The following SKI variants were observed in gnomAD, a reference collection of about 807,000 sequenced individuals.
The protein encoded by SKI is SKI proto-oncogene.
A neutral mutation model predicts 59.3 loss-of-function variants in SKI; 23 were observed. The ratio of observed to expected loss-of-function variants is 0.39; its 90% CI spans 0.28 to 0.55. The LOEUF is 0.55. Among genes scored for constraint, SKI ranks in the 20% least tolerant of loss-of-function variants. The probability of loss-of-function intolerance (pLI) is 0.67; values close to 1 mark genes in which losing one functional copy is unlikely to be tolerated. For missense variants in SKI, 1,017 were observed against 1,038.9 expected, an observed-to-expected ratio of 0.98 and a Z score of 0.29; for synonymous variants, 673 against 488.6, an observed-to-expected ratio of 1.38 and a Z score of -4.98.
chr1:2,250,537 G>A lies in SKI; in HGVS notation c.969+20802G>A, dbSNP rs114543623. Among the ~76,000 whole-genome samples, 754 of 152,358 alleles carry A rather than the reference G, an allele frequency of 4.9e-3. 5 individuals carry two copies. Among genetic ancestry groups the A allele is most frequent in the South Asian group, 0.013 (62 of 4,828 alleles). On this transcript the variant is annotated intron_variant, in intron 1 of 6. Transcript: ENST00000378536. Reference sequence around the variant, plus strand: ...AACGTGGTGAGTCCCCATTCCCTGAGCTCAGCTGCTGCTGGCACTGGCCTC... The same window carrying A: ...AACGTGGTGAGTCCCCATTCCCTGAACTCAGCTGCTGCTGGCACTGGCCTC...
chr1:2,294,556 G>A (rs767386706), intron 1 of SKI, among the ~76,000 whole-genome samples: 8 of 152,226 alleles, frequency 5.3e-5, no homozygotes, highest in East Asian at 1.9e-4. Context: ...TCGGGGAACC[G>A]GTAAGCCCAG....
intron 1 of SKI, among the ~76,000 whole-genome samples, chr1:2,237,678 G>C (rs1159455565): frequency 6.6e-6 from 1 of 152,232 alleles, no homozygotes; most frequent in Non-Finnish European, 1.5e-5. Context: ...TTTTACTATG[G>C]AGCAGATGTA....
Position 2,303,455 on chromosome 1 carries a change from C to A in SKI, c.1211+55C>A. ...GATCACGGGGGAGGCTCCACGAGGG[C>A]TGTGCATGCGGACGCGCCCATGTTT... is the stretch of plus-strand genomic sequence containing the variant. On this transcript the variant is annotated intron_variant, in intron 3 of 6. Transcript: ENST00000378536. This position sits in a 1 kb window ranked among gnomAD's most constrained non-coding sequence, Gnocchi z 5.6. 2 of 1,487,290 alleles carry A rather than the reference C, an allele frequency of 1.3e-6. No individual in the cohort carries two copies. Among genetic ancestry groups the A allele is most frequent in the Non-Finnish European group, 1.9e-6 (2 of 1,071,782 alleles). 92.1% of individuals were successfully genotyped at this position (1,487,290 alleles called of 1,614,324 possible).
rs1449089672 is a variant in SKI at position 2,306,071 on chromosome 1, G to A, written c.1819G>A (p.Glu607Lys). The change falls in exon 6 of 7, where the codon GAG becomes AAG. Residue 607 changes from glutamate (E) to lysine (K), a missense_variant. Transcript: ENST00000378536. ...GAAGGAGAAGCTGCGGGAGGCCACG[G>A]AGGCCAAGCGTAACCTGCGGAAGGA... ...AKKEKLREAT[E>K]AKRNLRKEIE... The A allele has an allele frequency of 6.2e-7, 1 of 1,602,078 alleles. No individual in the cohort carries two copies. Among genetic ancestry groups the A allele is most frequent in the South Asian group, 1.1e-5 (1 of 88,868 alleles).
At chr1:2,242,158 G>A (rs1638894073) in intron 1 of SKI, among the ~76,000 whole-genome samples, 1 of 152,222 alleles carries the variant, frequency 6.6e-6, no homozygotes, top group African/African-American at 2.4e-5. Context: ...CATGTGATGC[G>A]TCCCTTGGTG....
intron 1 of SKI, among the ~76,000 whole-genome samples, chr1:2,253,191 G>C (rs917739384): frequency 6.6e-6 from 1 of 151,994 alleles, no homozygotes; most frequent in Non-Finnish European, 1.5e-5. Flanking sequence ...TCCAGCACCC[G>C]CCTGCAGCGC....
At position 2,307,826 on chromosome 1, in the gene SKI, G is replaced by A. The variant is rs573133016; in HGVS notation, c.*1061G>A. 1 of 152,564 alleles carries A rather than the reference G, an allele frequency of 6.6e-6. No homozygotes were observed. The highest frequency in any genetic ancestry group is 1.9e-4 in the East Asian group (1 of 5,172). 9.5% of individuals were successfully genotyped at this position (152,564 alleles called of 1,614,324 possible). A position where few individuals can be genotyped will look rare whatever the true frequency, so the allele number is the denominator to read the frequency against. On this transcript the variant is annotated 3_prime_UTR_variant, in exon 7 of 7. Coordinates refer to ENST00000378536, the MANE Select transcript of SKI (RefSeq NM_003036.4). Reference sequence around the variant, plus strand: ...TAGAGCAGTCAAATCCGAAGTGCTCGAGTGCTTAGAAACCCCCTCTGGTGC... The same window carrying A: ...TAGAGCAGTCAAATCCGAAGTGCTCAAGTGCTTAGAAACCCCCTCTGGTGC...
At chr1:2,276,854 C>A (rs1055910981) in intron 1 of SKI, among the ~76,000 whole-genome samples, 1 of 152,220 alleles carries the variant, frequency 6.6e-6, no homozygotes, top group African/African-American at 2.4e-5. Flanking sequence ...AGGAACGCCT[C>A]TGTTGAGGTT....
intron 1 of SKI, among the ~76,000 whole-genome samples, chr1:2,255,091 T>A (rs538479728): frequency 1.3e-5 from 2 of 152,240 alleles, no homozygotes; most frequent in Admixed American, 6.5e-5. Flanking sequence ...TTTTGTCTTT[T>A]ATCTTTAGCT....
In SKI at chr1:2,228,328, G is replaced by A. The variant is rs923952928; in HGVS notation, c.-439G>A. On this transcript the variant is annotated 5_prime_UTR_variant, in exon 1 of 7. Coordinates refer to ENST00000378536, the MANE Select transcript of SKI (RefSeq NM_003036.4). Reference sequence around the variant, plus strand: ...CCGCGCCCGCGCCCCCGCTCCTCCCGGGCCCCTCGGCCTCGGCCGCCGCGG... The same window carrying A: ...CCGCGCCCGCGCCCCCGCTCCTCCCAGGCCCCTCGGCCTCGGCCGCCGCGG... Among the ~76,000 whole-genome samples, 25 of 141,660 alleles carry A rather than the reference G, an allele frequency of 1.8e-4. No homozygotes were observed. The highest frequency in any genetic ancestry group is 2.5e-4 in the Non-Finnish European group (16 of 64,182). The allele number at this position is 141,660 out of a possible 152,430, so 92.9% of individuals were successfully genotyped here.
At chr1:2,289,634 C>T (rs1403490758) in intron 1 of SKI, among the ~76,000 whole-genome samples, 1 of 145,088 alleles carries the variant, frequency 6.9e-6, no homozygotes. Context: ...GGTGGGGGTG[C>T]AGCACAGGTC....
chr1:2,305,211 C>T (rs1458814726), intron 5 of SKI, among the ~76,000 whole-genome samples: 1 of 152,318 alleles, frequency 6.6e-6, no homozygotes, highest in Middle Eastern at 3.4e-3. Context: ...TCCGGTCTCG[C>T]GCCTCCTTTT....
intron 1 of SKI, among the ~76,000 whole-genome samples, chr1:2,274,088 A>G (rs10910045): frequency 0.64 from 96,422 of 150,428 alleles, 31,494 homozygotes; most frequent in East Asian, 0.93. Flanking sequence ...TAGTTGGGTG[A>G]GCGCTCACAC....
At chr1:2,255,515 C>CT (rs1267868351) in intron 1 of SKI, among the ~76,000 whole-genome samples, 1 of 152,076 alleles carries the variant, frequency 6.6e-6, no homozygotes, top group Admixed American at 6.5e-5. Flanking sequence ...CTGGAGCTCT[C>CT]TGTGTCCTGA....
Position 2,303,763 on chromosome 1 carries a change from A to T in SKI, c.1212-77A>T. ...AGTCTTTCCTGTTTAACACCTTCAG[A>T]GGGGGTGTGCGCCAGGATGTGTCTG... On this transcript the variant is annotated intron_variant, in intron 3 of 6. Coordinates refer to ENST00000378536, the MANE Select transcript of SKI (RefSeq NM_003036.4). This position sits in a 1 kb window ranked among gnomAD's most constrained non-coding sequence, Gnocchi z 5.6. The T allele has an allele frequency of 6.4e-7, 1 of 1,557,814 alleles. No homozygotes were observed.
chr1:2,250,259 A>G (rs1237184412), intron 1 of SKI, among the ~76,000 whole-genome samples: 1 of 152,148 alleles, frequency 6.6e-6, no homozygotes, highest in African/African-American at 2.4e-5. Flanking sequence ...AAGGGTGCTC[A>G]TTGCCCTGCT....
intron 1 of SKI, among the ~76,000 whole-genome samples, chr1:2,276,327 G>A (rs1245932922): frequency 8.5e-5 from 13 of 152,078 alleles, no homozygotes; most frequent in Non-Finnish European, 1.5e-5. Flanking sequence ...GCTGCACTCA[G>A]AGGCCGTTTA....
At chr1:2,232,562 T>C (rs1638662005) in intron 1 of SKI, 2 of 152,252 alleles carry the variant, frequency 1.3e-5, no homozygotes. Context: ...TGCCCCCTCA[T>C]GTCACGGGGT....
rs1640633611 is a variant in SKI at position 2,307,730 on chromosome 1, A to C, written c.*965A>C. 6.6e-6 allele frequency: 1 copy of C among 152,560 alleles called. No homozygotes were observed. The highest frequency in any genetic ancestry group is 2.1e-4 in the South Asian group (1 of 4,828). The allele number at this position is 152,560 out of a possible 1,614,324, so 9.5% of individuals were successfully genotyped here. A position where few individuals can be genotyped will look rare whatever the true frequency, so the allele number is the denominator to read the frequency against. On this transcript the variant is annotated 3_prime_UTR_variant, in exon 7 of 7. Transcript: ENST00000378536. Reference sequence around the variant, plus strand: ...TGTTCGTTCATTTAAACGTATATTTAGAACTGCACTTTGTCCACAACCTTC... The same window carrying C: ...TGTTCGTTCATTTAAACGTATATTTCGAACTGCACTTTGTCCACAACCTTC...
Sources: allele counts gnomAD v4.1 joint callset (sites outside exome capture counted in the v4.1 genomes callset), GRCh38; gene constraint gnomAD v4.1.1; non-coding constraint Gnocchi (gnomAD v3.1); transcripts MANE v1.5; gene names NCBI Gene and HGNC (gene_info 2026-07-23, HGNC 2026-07-21).